TCF4: variants seen among roughly 807,000 people sequenced by gnomAD.
TCF4 encodes transcription factor 4, also known as SL3-3 enhancer factor 2.
TCF4 carries 3 observed loss-of-function variants against 82.1 expected under a neutral mutation model. The ratio of observed to expected loss-of-function variants is 0.04; its 90% CI spans 0.02 to 0.09. The LOEUF is 0.09. Ranked by LOEUF, TCF4 falls within the 10% of genes least tolerant of loss-of-function variation. The probability of loss-of-function intolerance (pLI) is 1.00; values close to 1 mark genes in which losing one functional copy is unlikely to be tolerated. For missense variants in TCF4, 518 were observed against 852.7 expected (o/e 0.61, Z 4.89); for synonymous variants, 276 against 309.6 (o/e 0.89, Z 1.14).
chr18:55,609,320 C>CG (rs965653385), intron 2 of TCF4, among the ~76,000 whole-genome samples: 17 of 152,206 alleles, frequency 1.1e-4, no homozygotes, highest in Non-Finnish European at 2.1e-4. Flanking sequence ...AAGACTCATA[C>CG]GGGGGGCAGG....
At chr18:55,334,673 T>C (rs574788757) in intron 8 of TCF4, among the ~76,000 whole-genome samples, 1 of 152,174 alleles carries the variant, frequency 6.6e-6, no homozygotes, top group Non-Finnish European at 1.5e-5. Context: ...GTTGTCAAGT[T>C]GAATTAATAA....
intron 8 of TCF4, among the ~76,000 whole-genome samples, chr18:55,316,977 G>T (rs1055746530): frequency 6.6e-6 from 1 of 151,950 alleles, no homozygotes; most frequent in African/African-American, 2.4e-5. Flanking sequence ...TCACAGAAAC[G>T]TTCAAACTGG....
At position 55,293,931 on chromosome 18, in the gene TCF4, C is replaced by CTTTTTTTTTTTTTTTTTTTTT. The variant is rs781150808; in HGVS notation, c.550-14296_550-14276dup. Among the ~76,000 whole-genome samples, 2 of 40,056 alleles carry CTTTTTTTTTTTTTTTTTTTTT rather than the reference C, an allele frequency of 5.0e-5. 1 individual carries two copies. The highest frequency in any genetic ancestry group is 1.0e-4 in the Non-Finnish European group (2 of 19,606). The allele number at this position is 40,056 out of a possible 152,430, so 26.3% of individuals were successfully genotyped here. On this transcript the variant is annotated intron_variant, in intron 8 of 19. Transcript: ENST00000354452. ...TTTCATCTTCTAAACTTTCCAAGGACTTTTTTTTTTTTTTTTTTTTTTTTT... is the reference window on the plus strand; with the variant it reads ...TTTCATCTTCTAAACTTTCCAAGGACTTTTTTTTTTTTTTTTTTTTTTTTTTTTTTTTTTTTTTTTTTTTTT...
chr18:55,464,688 T>TC (rs2095969075), intron 3 of TCF4, among the ~76,000 whole-genome samples: 1 of 152,110 alleles, frequency 6.6e-6, no homozygotes, highest in African/African-American at 2.4e-5. Context: ...AAACAAAACT[T>TC]TTTTTTAGGT....
chr18:55,598,699 T>C (rs1329490117), intron 2 of TCF4, among the ~76,000 whole-genome samples: 2 of 152,216 alleles, frequency 1.3e-5, no homozygotes, highest in Non-Finnish European at 2.9e-5. Flanking sequence ...AGAAATGCTG[T>C]GTATAGATTA....
chr18:55,309,962 C>T (rs1365578082), intron 8 of TCF4, among the ~76,000 whole-genome samples: 1 of 151,978 alleles, frequency 6.6e-6, no homozygotes, highest in Non-Finnish European at 1.5e-5. Context: ...AAAAAATTAC[C>T]ATAAAAATAG....
intron 3 of TCF4, among the ~76,000 whole-genome samples, chr18:55,554,697 G>A (rs1205810233): frequency 1.3e-5 from 2 of 152,186 alleles, no homozygotes; most frequent in Non-Finnish European, 2.9e-5. Context: ...CAATGTGCAT[G>A]TACAACCCCA....
intron 3 of TCF4, among the ~76,000 whole-genome samples, chr18:55,477,334 T>C (rs1295603914): frequency 2.6e-5 from 4 of 152,222 alleles, no homozygotes; most frequent in Non-Finnish European, 5.9e-5. Context: ...AAAGAGGCTA[T>C]TTTGCATAAG....
chr18:55,580,742 ATGTGTGTGTG>A lies in TCF4; in HGVS notation c.145+4528_145+4537del, dbSNP rs5825144. 8.4e-3 allele frequency among the ~76,000 whole-genome samples: 1,220 copies of A among 145,382 alleles called. 10 individuals are homozygous for A. Among genetic ancestry groups the A allele is most frequent in the Middle Eastern group, 0.046 (13 of 280 alleles). On this transcript the variant is annotated intron_variant, in intron 3 of 19. Coordinates refer to ENST00000354452, the MANE Select transcript of TCF4 (RefSeq NM_001083962.2). The stretch of plus-strand genomic sequence containing the variant: ...TAATCTTGCAAAAATGAGCTGTCTG[ATGTGTGTGTG>A]TGTGTGTGTGTGTGTGTGTGTGTGT...
upstream of TCF4, among the ~76,000 whole-genome samples, chr18:55,591,861 C>T (rs1286249271): frequency 1.3e-5 from 2 of 152,154 alleles, no homozygotes; most frequent in Admixed American, 6.5e-5. Context: ...TATCCAGAAA[C>T]CAATGATAGG....
rs1383023967 is a variant in TCF4, at chr18:55,258,804, G to A, written c.1069+1145C>T. The stretch of plus-strand genomic sequence containing the variant: ...GACAATTGAAATCATTTTTCAGAGT[G>A]TAAGAATCTGGTACAGAACCCGAGG... On this transcript the variant is annotated intron_variant, in intron 13 of 19. Transcript: ENST00000354452. Among the ~76,000 whole-genome samples, 3 of 152,148 alleles carry A rather than the reference G, an allele frequency of 2.0e-5. No individual in the cohort carries two copies. In the South Asian group the frequency reaches 6.2e-4, roughly 32 times the overall value.
intron 11 of TCF4, chr18:55,267,280 T>C (rs368736296): frequency 6.6e-6 from 1 of 152,190 alleles, no homozygotes; most frequent in Non-Finnish European, 1.5e-5. Flanking sequence ...ATTTCTTTAC[T>C]TCCTGCGTTT....
At chr18:55,510,037 C>G (rs746527240) in intron 3 of TCF4, among the ~76,000 whole-genome samples, 3 of 152,168 alleles carry the variant, frequency 2.0e-5, no homozygotes. Flanking sequence ...TAACACTGGT[C>G]TTCCATTTTC....
At chr18:55,371,099 G>C (rs766133106) in intron 6 of TCF4, among the ~76,000 whole-genome samples, 3 of 152,122 alleles carry the variant, frequency 2.0e-5, no homozygotes, top group Non-Finnish European at 4.4e-5. Flanking sequence ...AGACATATAT[G>C]GTGTGACTAG....
intron 8 of TCF4, among the ~76,000 whole-genome samples, chr18:55,345,314 A>C (rs2080931546): frequency 6.6e-6 from 1 of 150,696 alleles, no homozygotes. Context: ...AAAAACGCAC[A>C]TGCTGAACTA....
intron 3 of TCF4, among the ~76,000 whole-genome samples, chr18:55,521,756 T>G (rs892807747): frequency 6.6e-6 from 1 of 152,170 alleles, no homozygotes; most frequent in African/African-American, 2.4e-5. Context: ...GACAGAAAAT[T>G]TGCTTAAGAC....
At chr18:55,556,165 T>C (rs1286013130) in intron 3 of TCF4, among the ~76,000 whole-genome samples, 1 of 152,218 alleles carries the variant, frequency 6.6e-6, no homozygotes, top group Non-Finnish European at 1.5e-5. Context: ...GATTTTTTTT[T>C]CAAATTCCAC....
intron 5 of TCF4, among the ~76,000 whole-genome samples, chr18:55,404,821 T>G (rs569136852): frequency 1.3e-5 from 2 of 152,344 alleles, no homozygotes; most frequent in African/African-American, 4.8e-5. Context: ...ATAAAATGGA[T>G]GGTGGTTTTC....
intron 1 of TCF4, among the ~76,000 whole-genome samples, chr18:55,634,637 G>A (rs894865412): frequency 7.2e-5 from 11 of 152,106 alleles, no homozygotes; most frequent in African/African-American, 2.4e-4. Context: ...GATGGGTTTT[G>A]AGCAATAAGT....
Sources: allele counts gnomAD v4.1 joint callset (sites outside exome capture counted in the v4.1 genomes callset), GRCh38; gene constraint gnomAD v4.1.1; transcripts MANE v1.5; gene names NCBI Gene and HGNC (gene_info 2026-07-23, HGNC 2026-07-21).